The following XDH variants were observed in gnomAD, a reference collection of about 807,000 sequenced individuals.
The protein encoded by XDH is xanthine dehydrogenase.
In XDH, 138 loss-of-function variants were observed where a neutral mutation model predicts 156.1. The ratio of observed to expected loss-of-function variants is 0.88; its 90% confidence interval spans 0.77 to 1.02. XDH has a LOEUF of 1.02. XDH is among the 50% of genes least tolerant of loss of function. The pLI is 0.00. For missense variants in XDH, 1,849 were observed against 1,684.9 expected, an observed-to-expected ratio of 1.10 and a Z score of -1.71; for synonymous variants, 669 against 625.7, an observed-to-expected ratio of 1.07 and a Z score of -1.03.
chr2:31,375,357 G>A (rs781154795), intron 15 of XDH, 23 bp downstream of exon 15: 1 of 1,614,024 alleles, frequency 6.2e-7, no homozygotes, highest in African/African-American at 1.3e-5. Context: ...CAGAGAGCCT[G>A]TGCCTGGCCA....
chr2:31,379,123 C>A (rs1309306395), intron 13 of XDH, among the ~76,000 whole-genome samples: 2 of 152,120 alleles, frequency 1.3e-5, no homozygotes, highest in African/African-American at 2.4e-5. Context: ...CTGACAGGCC[C>A]TTTTGGATGT....
Position 31,397,719 on chromosome 2 carries a change from GCA to G in XDH, c.442_443del (p.Cys148ProfsTer28), listed in dbSNP as rs1373457095. 6 of 1,614,076 alleles carry G rather than the reference GCA, an allele frequency of 3.7e-6. No homozygotes were observed. The highest frequency in any genetic ancestry group is 5.1e-6 in the Non-Finnish European group (6 of 1,180,020). Reference protein sequence around the residue: ...EIENAFQGNLCRCTGYRPILQ... With the variant: ...EIENAFQGNLXRCTGYRPILQ... ...GGATGGGTCTGTAGCCTGTGCAGCG[GCA>G]CAGATTTCCTGTGGGCCAAGGAAAA... On this transcript the variant is annotated frameshift_variant, in exon 6 of 36. Coordinates refer to ENST00000379416, the MANE Select transcript of XDH (RefSeq NM_000379.4). LOFTEE classifies it high-confidence loss of function.
intron 31 of XDH, among the ~76,000 whole-genome samples, chr2:31,343,985 C>A (rs560339369): frequency 6.6e-6 from 1 of 151,962 alleles, no homozygotes; most frequent in Non-Finnish European, 1.5e-5. Context: ...AGAAAATATT[C>A]CAAATATCTG....
intron 1 of XDH, among the ~76,000 whole-genome samples, chr2:31,410,587 C>G (rs1295941523): frequency 6.6e-6 from 1 of 151,962 alleles, no homozygotes; most frequent in Non-Finnish European, 1.5e-5. Flanking sequence ...GTTCGCATCA[C>G]AAAAAAGACC....
chr2:31,396,866 C>A (rs1558312834), intron 6 of XDH, among the ~76,000 whole-genome samples: 1 of 152,204 alleles, frequency 6.6e-6, no homozygotes, highest in African/African-American at 2.4e-5. Context: ...TTTACCCACC[C>A]CTTCTTGGAT....
Position 31,372,401 on chromosome 2 carries a change from G to A in XDH, c.1687-4C>T. 6.2e-7 allele frequency: 1 copy of A among 1,613,980 alleles called. No homozygotes were observed. The highest frequency in any genetic ancestry group is 8.5e-7 in the Non-Finnish European group (1 of 1,180,024). ...CAGACTGACCCTTGGGCACCTCCTGGAATGACAGGGTCATCAATCAGGGTG... is the reference window on the plus strand; with the variant it reads ...CAGACTGACCCTTGGGCACCTCCTGAAATGACAGGGTCATCAATCAGGGTG... On this transcript the variant is annotated splice_polypyrimidine_tract_variant and splice_region_variant and intron_variant, in intron 16 of 35. Coordinates refer to ENST00000379416, the MANE Select transcript of XDH (RefSeq NM_000379.4).
At chr2:31,377,314 C>T in intron 13 of XDH, 77 bp from the exon 14 acceptor site, 1 of 1,549,090 alleles carries the variant, frequency 6.5e-7, no homozygotes, top group Non-Finnish European at 8.9e-7. Context: ...AACCACAGGG[C>T]TATGAGGTGA....
chr2:31,346,413 G>A (rs927625948), intron 30 of XDH, among the ~76,000 whole-genome samples: 1 of 152,156 alleles, frequency 6.6e-6, no homozygotes, highest in African/African-American at 2.4e-5. Flanking sequence ...GCTCATCTGG[G>A]ACAAGCGGGG....
chr2:31,397,560 A>G (rs1686943973), intron 6 of XDH, 108 bp downstream of exon 6: 5 of 1,346,680 alleles, frequency 3.7e-6, no homozygotes, highest in African/African-American at 1.4e-5. Context: ...TGGTCATCTT[A>G]TCATCATTGT....
chr2:31,349,087 G>T, intron 26 of XDH, 107 bp from the exon 27 acceptor site: 1 of 1,076,196 alleles, frequency 9.3e-7, no homozygotes, highest in Non-Finnish European at 1.4e-6. Flanking sequence ...TGCCCACAAA[G>T]ATGAGAACAG....
At chr2:31,405,355 AC>A (rs1268812421) in intron 2 of XDH, among the ~76,000 whole-genome samples, 1 of 152,136 alleles carries the variant, frequency 6.6e-6, no homozygotes, top group Non-Finnish European at 1.5e-5. Flanking sequence ...CAGAAGCCCC[AC>A]CCACACTGAG....
chr2:31,339,889 C>T (rs1264549613), intron 33 of XDH, among the ~76,000 whole-genome samples: 1 of 152,216 alleles, frequency 6.6e-6, no homozygotes, highest in Admixed American at 6.5e-5. Flanking sequence ...AAGACATTAA[C>T]ACGGAAGGTC....
At chr2:31,362,595 A>G (rs1685805047) in intron 24 of XDH, among the ~76,000 whole-genome samples, 2 of 152,236 alleles carry the variant, frequency 1.3e-5, no homozygotes, top group South Asian at 4.1e-4. Flanking sequence ...AGCTCGTCAT[A>G]ATTCCTAAAG....
At chr2:31,373,249 G>T (rs917263032) in intron 16 of XDH, among the ~76,000 whole-genome samples, 1 of 152,208 alleles carries the variant, frequency 6.6e-6, no homozygotes, top group Non-Finnish European at 1.5e-5. Context: ...AGGCAGTCAG[G>T]TTCCAGAGTT....
rs779432733 is a variant in XDH at position 31,349,801 on chromosome 2, C to T, written c.2854G>A (p.Asp952Asn). Residue 952 changes from aspartate (D) to asparagine (N), a missense_variant, in exon 26 of 36, where the codon GAC becomes AAC. By Grantham distance (23) the Asp-to-Asn change is conservative. Coordinates refer to ENST00000379416, the MANE Select transcript of XDH (RefSeq NM_000379.4). ...AGCTTCTGGTTGAAGTGTGTCAGGTCCCCTTCTTTGTACAGGTTTTTTCTC... is the reference window on the plus strand; with the variant it reads ...AGCTTCTGGTTGAAGTGTGTCAGGTTCCCTTCTTTGTACAGGTTTTTTCTC... Reference protein sequence around the residue: ...VRRKNLYKEGDLTHFNQKLEG... With the variant: ...VRRKNLYKEGNLTHFNQKLEG... 1.5e-5 allele frequency: 24 copies of T among 1,614,106 alleles called. No individual in the cohort carries two copies. Among genetic ancestry groups the T allele is most frequent in the Middle Eastern group, 3.3e-4 (2 of 6,052 alleles).
At chr2:31,411,951 ATGAGTAAG>A (rs946094440) in intron 1 of XDH, among the ~76,000 whole-genome samples, 5 of 136,050 alleles carry the variant, frequency 3.7e-5, no homozygotes, top group African/African-American at 1.4e-4. Context: ...CAAGTGAATG[ATGAGTAAG>A]TGAGTGAGTG....
intron 30 of XDH, 125 bp downstream of exon 30, chr2:31,346,644 C>A: frequency 1.7e-6 from 2 of 1,182,106 alleles, no homozygotes; most frequent in South Asian, 2.4e-5. Flanking sequence ...CACAAACCAC[C>A]TCAACTTCTC....
Position 31,397,743 on chromosome 2 carries a change from A to G in XDH, c.434-14T>C, listed in dbSNP as rs772950117. On this transcript the variant is annotated splice_polypyrimidine_tract_variant and intron_variant, in intron 5 of 35. Transcript: ENST00000379416. ...GGCACAGATTTCCTGTGGGCCAAGG[A>G]AAAAACTGCAATGTCAGTGCAGGGC... is the stretch of plus-strand genomic sequence containing the variant. The G allele has an allele frequency of 1.9e-6, 3 of 1,614,040 alleles. No individual in the cohort carries two copies. The highest frequency in any genetic ancestry group is 1.1e-5 in the South Asian group (1 of 91,078).
In XDH at chr2:31,379,858, A is replaced by C. The variant is rs766876189; in HGVS notation, c.1242+9T>G. The C allele has an allele frequency of 5.6e-6, 9 of 1,613,738 alleles. No homozygotes were observed. Among genetic ancestry groups the C allele is most frequent in the Non-Finnish European group, 7.6e-6 (9 of 1,179,630 alleles). ...TGAGCAGAGCCTGGAACCACTTCCA[A>C]CATCTCACCTCCCTGCTGTAGGGGA... is the stretch of plus-strand genomic sequence containing the variant. On this transcript the variant is annotated intron_variant, in intron 13 of 35. Coordinates refer to ENST00000379416, the MANE Select transcript of XDH (RefSeq NM_000379.4).
Sources: gnomAD v4.1 joint callset for allele counts (sites outside exome capture counted in the v4.1 genomes callset) on GRCh38, gnomAD v4.1.1 for gene constraint, MANE v1.5 for transcripts, NCBI Gene and HGNC (gene_info 2026-07-23, HGNC 2026-07-21) for gene names.